PKHD1: variants seen among roughly 807,000 people sequenced by gnomAD.
The protein encoded by PKHD1 is PKHD1 ciliary IPT domain containing fibrocystin/polyductin, also known as fibrocystin.
Under a neutral mutation model 412.0 loss-of-function variants are expected in PKHD1, and 291 were observed. That is an observed-to-expected ratio of 0.71 (90% CI 0.64 to 0.78). The LOEUF (loss-of-function observed/expected upper bound fraction) is 0.78. PKHD1 is among the 30% of genes least tolerant of loss of function. The pLI is 0.00. For synonymous variants in PKHD1, 1,777 were observed against 1,821.5 expected, an observed-to-expected ratio of 0.98 and a Z score of 0.62; for missense variants, 4,825 against 4,950.7, an observed-to-expected ratio of 0.97 and a Z score of 0.76.
At chr6:51,699,359 C>G (rs935319780) in intron 60 of PKHD1, among the ~76,000 whole-genome samples, 4 of 152,130 alleles carry the variant, frequency 2.6e-5, no homozygotes. Context: ...TTCATACTGG[C>G]TTCTCTCACT....
chr6:51,844,871 C>A (rs1770877676), intron 50 of PKHD1, among the ~76,000 whole-genome samples: 1 of 152,178 alleles, frequency 6.6e-6, no homozygotes, highest in Admixed American at 6.5e-5. Flanking sequence ...AGAGATCAAG[C>A]AGCTTCCCTA....
intron 60 of PKHD1, among the ~76,000 whole-genome samples, chr6:51,697,179 C>CAAATAAAT (rs61327011): frequency 8.6e-5 from 13 of 150,658 alleles, no homozygotes; most frequent in African/African-American, 2.9e-4. Flanking sequence ...GACTCCGTCT[C>CAAATAAAT]AAATAAATAA....
intron 60 of PKHD1, among the ~76,000 whole-genome samples, chr6:51,702,178 T>C (rs1779510515): frequency 6.8e-6 from 1 of 146,740 alleles, no homozygotes; most frequent in South Asian, 2.1e-4. Flanking sequence ...ATGTATAATA[T>C]ATAATATATT....
intron 52 of PKHD1, among the ~76,000 whole-genome samples, chr6:51,803,374 G>T (rs1309615372): frequency 1.3e-5 from 2 of 152,060 alleles, no homozygotes; most frequent in African/African-American, 4.8e-5. Context: ...GATCATGAAG[G>T]TTCCTAGAAT....
In PKHD1 at chr6:52,055,646, G is replaced by A; in HGVS notation, c.1777C>T (p.His593Tyr). The change falls in exon 19 of 67, where the codon CAC (histidine) becomes TAC (tyrosine). Residue 593 changes from histidine (H) to tyrosine (Y), a missense_variant. By Grantham distance (83) the His-to-Tyr change is moderately conservative (BLOSUM62 2). Coordinates refer to ENST00000371117, the MANE Select transcript of PKHD1 (RefSeq NM_138694.4). The stretch of plus-strand genomic sequence containing the variant: ...GCAGCCGGGGGAGTAAGGACAAGGT[G>A]TCGAGGCTGACGGAGGCTGAACCTG... ...CGRFSLRQPR[H>Y]LVLTPPAAQK... is the part of the protein sequence containing the mutation. The A allele has an allele frequency of 6.2e-7, 1 of 1,613,910 alleles. No individual in the cohort carries two copies. The highest frequency in any genetic ancestry group is 8.5e-7 in the Non-Finnish European group (1 of 1,179,872).
intron 52 of PKHD1, among the ~76,000 whole-genome samples, chr6:51,795,347 G>A (rs566158305): frequency 6.6e-6 from 1 of 152,278 alleles, no homozygotes; most frequent in South Asian, 2.1e-4. Flanking sequence ...TTAGTGTATG[G>A]AAATGCTAGA....
At chr6:52,062,976 A>G (rs1032248619) in intron 13 of PKHD1, among the ~76,000 whole-genome samples, 5 of 152,194 alleles carry the variant, frequency 3.3e-5, no homozygotes, top group African/African-American at 1.2e-4. Flanking sequence ...AAGGAGGACA[A>G]TGTGACTGTG....
At chr6:51,649,253 T>C (rs1770551149) in intron 61 of PKHD1, 33 bp from the exon 62 acceptor site, 2 of 1,541,380 alleles carry the variant, frequency 1.3e-6, no homozygotes, top group African/African-American at 2.7e-5. Context: ...AAATACATCC[T>C]TAGGATTACA....
intron 29 of PKHD1, among the ~76,000 whole-genome samples, chr6:52,030,684 T>G (rs1581842216): frequency 2.8e-5 from 4 of 143,434 alleles, no homozygotes; most frequent in Non-Finnish European, 3.0e-5. Flanking sequence ...TGGGAGGGGG[T>G]GGGAAGATGA....
chr6:51,670,022 T>C (rs1462450334), intron 60 of PKHD1, among the ~76,000 whole-genome samples: 1 of 151,460 alleles, frequency 6.6e-6, no homozygotes, highest in Non-Finnish European at 1.5e-5. Flanking sequence ...TTGTATATTC[T>C]GGTGATTTGG....
At chr6:51,905,676 A>G (rs1054979215) in intron 41 of PKHD1, among the ~76,000 whole-genome samples, 3 of 152,202 alleles carry the variant, frequency 2.0e-5, no homozygotes, top group Non-Finnish European at 2.9e-5. Context: ...TTTAAAAGCA[A>G]TAAGAATCTC....
At chr6:51,852,219 G>T (rs951406268) in intron 49 of PKHD1, among the ~76,000 whole-genome samples, 1 of 152,120 alleles carries the variant, frequency 6.6e-6, no homozygotes, top group Non-Finnish European at 1.5e-5. Flanking sequence ...TTTTGAGTGA[G>T]TTTCTTAATC....
At chr6:51,940,246 A>G (rs1451705353) in intron 36 of PKHD1, among the ~76,000 whole-genome samples, 1 of 151,650 alleles carries the variant, frequency 6.6e-6, no homozygotes, top group African/African-American at 2.4e-5. Context: ...CCGGCCCTCA[A>G]ACCCCACAAC....
rs1766273663 is a variant in PKHD1, at chr6:51,618,967, C to A, written c.*114G>T. ...TAAAGTTGAAAAAGGGATTCAGAGT[C>A]CACATTCTCTCTTCTTAGTTGTCCC... On this transcript the variant is annotated 3_prime_UTR_variant, in exon 67 of 67. Coordinates refer to ENST00000371117, the MANE Select transcript of PKHD1 (RefSeq NM_138694.4). The A allele has an allele frequency of 1.0e-6, 1 of 958,238 alleles. No individual in the cohort carries two copies. The highest frequency in any genetic ancestry group is 1.7e-6 in the Non-Finnish European group (1 of 590,268). 59.4% of individuals were successfully genotyped at this position (958,238 alleles called of 1,614,324 possible).
intron 22 of PKHD1, 112 bp downstream of exon 22, chr6:52,050,028 CTCAAGATTGAGAACATT>C: frequency 1.2e-6 from 1 of 864,858 alleles, no homozygotes; most frequent in East Asian, 2.6e-5. Context: ...GTGCTGCATT[CTCAAGATTGAGAACATT>C]GCTTTAAGCA....
At chr6:51,786,133 G>A (rs1475152099) in intron 53 of PKHD1, among the ~76,000 whole-genome samples, 1 of 152,026 alleles carries the variant, frequency 6.6e-6, no homozygotes, top group African/African-American at 2.4e-5. Flanking sequence ...ACTTGCCGAG[G>A]GCCATTCAAC....
intron 39 of PKHD1, among the ~76,000 whole-genome samples, chr6:51,910,425 C>G (rs757966774): frequency 6.6e-6 from 1 of 152,066 alleles, no homozygotes. Context: ...TGCCTTATCA[C>G]AATTTGATTA....
At chr6:51,721,032 T>C in intron 60 of PKHD1, 1 of 981,394 alleles carries the variant, frequency 1.0e-6, no homozygotes, top group Non-Finnish European at 1.2e-6. Flanking sequence ...GTAAGGGAAG[T>C]ATTTGAGGGT....
chr6:51,741,501 C>T (rs1784548336), intron 60 of PKHD1, among the ~76,000 whole-genome samples: 1 of 152,028 alleles, frequency 6.6e-6, no homozygotes, highest in South Asian at 2.1e-4. Flanking sequence ...CCAAAGCATC[C>T]CCCAAAGTCC....
Sources: allele counts gnomAD v4.1 joint callset (sites outside exome capture counted in the v4.1 genomes callset), GRCh38; gene constraint gnomAD v4.1.1; transcripts MANE v1.5; gene names NCBI Gene and HGNC (gene_info 2026-07-23, HGNC 2026-07-21).